LRFN5: variants seen among roughly 807,000 people sequenced by gnomAD.
LRFN5 encodes leucine-rich repeat and fibronectin type-III domain-containing protein 5.
Under a neutral mutation model 45.6 loss-of-function variants are expected in LRFN5, and 24 were observed. The observed-to-expected ratio is 0.53, with a 90% CI of 0.38 to 0.74. The LOEUF is 0.74. Ranked by LOEUF, LRFN5 falls within the 30% of genes least tolerant of loss-of-function variation. The probability of loss-of-function intolerance (pLI) is 0.00; values close to 1 mark genes in which losing one functional copy is unlikely to be tolerated. For synonymous variants in LRFN5, 340 were observed against 313.8 expected (o/e 1.08, Z -0.88); for missense variants, 776 against 861.5 (o/e 0.90, Z 1.24).
chr14:41,856,916 G>T (rs1889492222), intron 2 of LRFN5, among the ~76,000 whole-genome samples: 1 of 149,674 alleles, frequency 6.7e-6, no homozygotes, highest in South Asian at 2.1e-4. Flanking sequence ...CGCCCGCCTC[G>T]GCCTCCCAAA....
chr14:41,782,645 T>C (rs1335269950), intron 2 of LRFN5, among the ~76,000 whole-genome samples: 4 of 152,170 alleles, frequency 2.6e-5, no homozygotes, highest in African/African-American at 9.6e-5. Flanking sequence ...TAAATAGGCC[T>C]TTACTTTGAG....
In LRFN5 at chr14:41,706,427, A is replaced by G. The variant is rs560348970; in HGVS notation, c.-196-60427A>G. ...TTCTGTACTTTATCCTAAAAATTTTAGTGCTTTTTTTAAAATTTTTTATTT... is the reference window on the plus strand; with the variant it reads ...TTCTGTACTTTATCCTAAAAATTTTGGTGCTTTTTTTAAAATTTTTTATTT... On this transcript the variant is annotated intron_variant, in intron 1 of 5. Coordinates refer to ENST00000298119, the MANE Select transcript of LRFN5 (RefSeq NM_152447.5). 1.4e-3 allele frequency among the ~76,000 whole-genome samples: 210 copies of G among 152,224 alleles called. 1 individual carries two copies. Among genetic ancestry groups the G allele is most frequent in the African/African-American group, 4.6e-3 (193 of 41,544 alleles).
intron 1 of LRFN5, among the ~76,000 whole-genome samples, chr14:41,611,089 C>T (rs1319979440): frequency 6.6e-6 from 1 of 152,118 alleles, no homozygotes; most frequent in African/African-American, 2.4e-5. Context: ...TCGATTTTTG[C>T]AGGTTAAGCT....
chr14:41,840,865 G>T (rs1888834782), intron 2 of LRFN5, among the ~76,000 whole-genome samples: 1 of 151,820 alleles, frequency 6.6e-6, no homozygotes, highest in Non-Finnish European at 1.5e-5. Context: ...AATTATTTTT[G>T]GATTCAACTA....
chr14:41,780,792 TTA>T (rs1198976442), intron 2 of LRFN5, among the ~76,000 whole-genome samples: 1 of 152,088 alleles, frequency 6.6e-6, no homozygotes, highest in Non-Finnish European at 1.5e-5. Context: ...AATGAACATT[TTA>T]TATGATTCCA....
intron 1 of LRFN5, among the ~76,000 whole-genome samples, chr14:41,624,066 C>T (rs1888235125): frequency 6.6e-6 from 1 of 152,174 alleles, no homozygotes; most frequent in East Asian, 1.9e-4. Flanking sequence ...ACAGTTCCTA[C>T]GCCTCTACAA....
intron 1 of LRFN5, among the ~76,000 whole-genome samples, chr14:41,683,119 C>G (rs1881974264): frequency 1.3e-5 from 2 of 152,134 alleles, no homozygotes; most frequent in Non-Finnish European, 2.9e-5. Flanking sequence ...AAACATTATT[C>G]AGTAAGACCA....
intron 4 of LRFN5, among the ~76,000 whole-genome samples, chr14:41,897,195 T>C (rs1890969802): frequency 1.3e-5 from 2 of 151,742 alleles, no homozygotes; most frequent in South Asian, 2.1e-4. Flanking sequence ...TGTGGTGTTA[T>C]CTTGAAGAGG....
chr14:41,877,342 T>C (rs1890219394), intron 2 of LRFN5, among the ~76,000 whole-genome samples: 2 of 152,134 alleles, frequency 1.3e-5, no homozygotes, highest in Admixed American at 1.3e-4. Flanking sequence ...AAACATCTTT[T>C]TATGCAGGCT....
At chr14:41,686,339 T>G (rs1406461283) in intron 1 of LRFN5, among the ~76,000 whole-genome samples, 1 of 152,054 alleles carries the variant, frequency 6.6e-6, no homozygotes, top group Non-Finnish European at 1.5e-5. Flanking sequence ...TTTGCTGAAG[T>G]TGCTTATCAG....
chr14:41,891,796 A>C lies in LRFN5; in HGVS notation c.1932A>C (p.Lys644Asn), dbSNP rs1181682224. 1 of 1,614,054 alleles carries C rather than the reference A, an allele frequency of 6.2e-7. No individual in the cohort carries two copies. Among genetic ancestry groups the C allele is most frequent in the Non-Finnish European group, 8.5e-7 (1 of 1,180,044 alleles). ...GCACTTCTGTGTCCCAAAAGCAGAA[A>C]AGAAAGACTGGCACAAAGCCAAGTA... ...TSSTSVSQKQKRKTGTKPSTE... is the reference protein window; with the variant it reads ...TSSTSVSQKQNRKTGTKPSTE... The change falls in exon 4 of 6, where the codon AAA becomes AAC. Residue 644 changes from lysine to asparagine, a missense_variant. Around this residue, in one of 2 missense-constraint regions of LRFN5, gnomAD observed 465 missense variants for 456.4 expected, o/e 1.02. Coordinates refer to ENST00000298119, the MANE Select transcript of LRFN5 (RefSeq NM_152447.5).
At chr14:41,888,325 A>G (rs1022290114) in intron 3 of LRFN5, among the ~76,000 whole-genome samples, 3 of 152,176 alleles carry the variant, frequency 2.0e-5, no homozygotes, top group African/African-American at 7.2e-5. Flanking sequence ...TTACACACAC[A>G]TGAGTGTTCT....
intron 1 of LRFN5, among the ~76,000 whole-genome samples, chr14:41,725,414 A>C (rs1377948528): frequency 6.6e-6 from 1 of 152,190 alleles, no homozygotes; most frequent in Non-Finnish European, 1.5e-5. Flanking sequence ...TCTGTATATC[A>C]TGTGGTAGTT....
intron 2 of LRFN5, among the ~76,000 whole-genome samples, chr14:41,787,968 G>T (rs1162807367): frequency 6.6e-6 from 1 of 151,896 alleles, no homozygotes; most frequent in Non-Finnish European, 1.5e-5. Context: ...GATACCAGAG[G>T]GTTTGCTGTG....
At chr14:41,865,044 T>A (rs996006258) in intron 2 of LRFN5, among the ~76,000 whole-genome samples, 2 of 152,130 alleles carry the variant, frequency 1.3e-5, no homozygotes, top group Admixed American at 6.6e-5. Flanking sequence ...TTTAAAAAAA[T>A]TTGTGTATCA....
At chr14:41,633,565 T>C (rs1308352749) in intron 1 of LRFN5, among the ~76,000 whole-genome samples, 1 of 152,184 alleles carries the variant, frequency 6.6e-6, no homozygotes, top group African/African-American at 2.4e-5. Flanking sequence ...GCAAACAGAC[T>C]TGATGTCAGT....
intron 1 of LRFN5, among the ~76,000 whole-genome samples, chr14:41,665,727 C>T (rs1006684737): frequency 6.6e-6 from 1 of 151,940 alleles, no homozygotes; most frequent in Non-Finnish European, 1.5e-5. Context: ...GTTAAAACTC[C>T]ATACGTAGAG....
intron 2 of LRFN5, among the ~76,000 whole-genome samples, 154 bp from the exon 3 acceptor site, chr14:41,886,452 A>G (rs1287140724): frequency 6.6e-6 from 1 of 152,224 alleles, no homozygotes. Flanking sequence ...TGCCCATTAT[A>G]GCCTTTACTA....
chr14:41,869,331 A>G (rs951693397), intron 2 of LRFN5, among the ~76,000 whole-genome samples: 1 of 152,106 alleles, frequency 6.6e-6, no homozygotes, highest in Non-Finnish European at 1.5e-5. Flanking sequence ...AAAAGCTCTC[A>G]GAACAAAATT....
Sources: allele counts gnomAD v4.1 joint callset (sites outside exome capture counted in the v4.1 genomes callset), GRCh38; gene constraint gnomAD v4.1.1; regional missense constraint gnomAD v4.1.1; transcripts MANE v1.5; gene names NCBI Gene and HGNC (gene_info 2026-07-23, HGNC 2026-07-21).